Variants in FAM78B observed in about 807,000 individuals in gnomAD.
FAM78B encodes family with sequence similarity 78 member B.
In FAM78B, 10 loss-of-function variants were observed where a neutral mutation model predicts 20.0. That is an observed-to-expected ratio of 0.50 (90% CI 0.31 to 0.85). FAM78B has a LOEUF of 0.85. Ranked by LOEUF, FAM78B falls within the 40% of genes least tolerant of loss-of-function variation. The probability of loss-of-function intolerance (pLI) is 0.05; values close to 1 mark genes in which losing one functional copy is unlikely to be tolerated. For synonymous variants in FAM78B, 135 were observed against 132.8 expected, an observed-to-expected ratio of 1.02 and a Z score of -0.12; for missense variants, 283 against 345.0, an observed-to-expected ratio of 0.82 and a Z score of 1.42.
intron 1 of FAM78B, among the ~76,000 whole-genome samples, chr1:166,139,392 A>G (rs1655193898): frequency 6.6e-6 from 1 of 152,214 alleles, no homozygotes; most frequent in African/African-American, 2.4e-5. Context: ...AGAGTACTGT[A>G]TGTGCTATGA....
intron 1 of FAM78B, among the ~76,000 whole-genome samples, chr1:166,142,790 T>G (rs1274337064): frequency 6.6e-6 from 1 of 152,228 alleles, no homozygotes; most frequent in Non-Finnish European, 1.5e-5. Context: ...GGGCTAGTCT[T>G]AAATCTACTG....
At chr1:166,072,607 G>A (rs1652093650) in intron 1 of FAM78B, among the ~76,000 whole-genome samples, 1 of 152,192 alleles carries the variant, frequency 6.6e-6, no homozygotes, top group Non-Finnish European at 1.5e-5. Flanking sequence ...CCATACTGGA[G>A]TCGGTTTCAT....
At chr1:166,136,603 A>AC (rs769376179) in intron 1 of FAM78B, among the ~76,000 whole-genome samples, 21 of 152,302 alleles carry the variant, frequency 1.4e-4, no homozygotes, top group African/African-American at 4.8e-4. Flanking sequence ...AAATAAAGGC[A>AC]CCAAAGAGCA....
chr1:166,083,799 CTT>C (rs33994343), intron 1 of FAM78B, among the ~76,000 whole-genome samples: 46,656 of 91,468 alleles, frequency 0.51, 11,281 homozygotes, highest in Non-Finnish European at 0.59. Context: ...ACGCACCCAG[CTT>C]TTTTTTTTTT....
At position 166,166,618 on chromosome 1, in the gene FAM78B, AGAG is replaced by A. The variant is rs1490242642; in HGVS notation, c.-373_-371del. The A allele has an allele frequency of 6.7e-6, 1 of 150,130 alleles. No homozygotes were observed. Among genetic ancestry groups the A allele is most frequent in the African/African-American group, 2.4e-5 (1 of 41,006 alleles). The allele number at this position is 150,130 out of a possible 1,614,324, so 9.3% of individuals were successfully genotyped here. ...GCCGGAGCCCCCCGCCCCTCGCCGG[AGAG>A]GAGGAGGCGGCAGCGGCGGCGGCAT... On this transcript the variant is annotated 5_prime_UTR_variant, in exon 1 of 2. Transcript: ENST00000354422.
chr1:166,121,332 G>A (rs577771472), intron 1 of FAM78B, among the ~76,000 whole-genome samples: 4 of 152,168 alleles, frequency 2.6e-5, no homozygotes, highest in East Asian at 1.9e-4. Flanking sequence ...CCCTCACCTC[G>A]GTCACTCTTG....
intron 1 of FAM78B, among the ~76,000 whole-genome samples, chr1:166,118,124 C>T (rs1654326972): frequency 2.0e-5 from 3 of 152,174 alleles, no homozygotes. Flanking sequence ...ATAACTAGGA[C>T]CACTGGGAGA....
At chr1:166,067,536 A>G (rs1287428844), downstream of FAM78B, among the ~76,000 whole-genome samples, 7 of 152,188 alleles carry the variant, frequency 4.6e-5, no homozygotes, top group Non-Finnish European at 8.8e-5. Flanking sequence ...ATGGGAGGGC[A>G]GAGGTGACCT....
At chr1:166,068,530 C>A (rs1400427476), downstream of FAM78B, among the ~76,000 whole-genome samples, 3 of 152,162 alleles carry the variant, frequency 2.0e-5, no homozygotes. Context: ...TAAGTACCAT[C>A]CCCTGGGACT....
chr1:166,109,862 G>GTA lies in FAM78B; in HGVS notation c.264-39101_264-39100dup, dbSNP rs1491187344. Among the ~76,000 whole-genome samples, 11 of 16,276 alleles carry GTA rather than the reference G, an allele frequency of 6.8e-4. 3 individuals are homozygous for GTA. Among genetic ancestry groups the GTA allele is most frequent in the East Asian group, 2.0e-3 (1 of 488 alleles). 10.7% of individuals were successfully genotyped at this position (16,276 alleles called of 152,430 possible). A position where few individuals can be genotyped will look rare whatever the true frequency, so the allele number is the denominator to read the frequency against. ...TATGTATATATATATATATATATAT[G>GTA]TATGTGTATATATATATATGTATAT... On this transcript the variant is annotated intron_variant, in intron 1 of 1. Coordinates refer to ENST00000354422, the MANE Select transcript of FAM78B (RefSeq NM_001017961.5).
chr1:166,163,784 T>C (rs1656249701), intron 1 of FAM78B, among the ~76,000 whole-genome samples: 1 of 152,226 alleles, frequency 6.6e-6, no homozygotes, highest in Admixed American at 6.5e-5. Context: ...ATTGCAACCA[T>C]GAAGAAACAG....
chr1:166,163,928 C>T (rs746967463), intron 1 of FAM78B, among the ~76,000 whole-genome samples: 15 of 152,172 alleles, frequency 9.9e-5, no homozygotes, highest in Non-Finnish European at 1.6e-4. Context: ...AAACCACTTT[C>T]CAAATCCCAA....
chr1:166,077,835 ATTT>A (rs1652353770), intron 1 of FAM78B, among the ~76,000 whole-genome samples: 1 of 117,986 alleles, frequency 8.5e-6, no homozygotes, highest in South Asian at 2.6e-4. Context: ...AATATATATA[ATTT>A]ATATATATAA....
In FAM78B at chr1:166,070,374, T is replaced by C. The variant is rs201938645; in HGVS notation, c.653A>G (p.Glu218Gly). 1.2e-6 allele frequency: 2 copies of C among 1,613,952 alleles called. No individual in the cohort carries two copies. Among genetic ancestry groups the C allele is most frequent in the East Asian group, 2.2e-5 (1 of 44,870 alleles). Residue 218 changes from glutamate (E) to glycine (G), a missense_variant, in exon 2 of 2, where the codon GAG becomes GGG. Transcript: ENST00000354422. ...CATCCGGCTCAGGATCCGGGGCTGC[T>C]CCTGCTGAGTCCTGCCCACCAGCCG... ...RARLVGRTQQ[E>G]QPRILSRMEP... is the part of the protein sequence containing the mutation.
intron 1 of FAM78B, among the ~76,000 whole-genome samples, chr1:166,097,420 A>G (rs1571158731): frequency 6.6e-6 from 1 of 152,210 alleles, no homozygotes; most frequent in African/African-American, 2.4e-5. Flanking sequence ...CGGAAGAACC[A>G]AGCCCCTTTT....
chr1:166,066,260 A>G (rs187761520), downstream of FAM78B, among the ~76,000 whole-genome samples: 1 of 152,370 alleles, frequency 6.6e-6, no homozygotes, highest in African/African-American at 2.4e-5. Flanking sequence ...GCTGAGTGAC[A>G]GCTAGCTCAC....
At chr1:166,062,707 T>G (rs1386420352) in intron 2 of FAM78B, among the ~76,000 whole-genome samples, 1 of 152,254 alleles carries the variant, frequency 6.6e-6, no homozygotes, top group East Asian at 1.9e-4. Context: ...TTCCATAGTT[T>G]CTGGTACGTG....
At chr1:166,141,011 CT>C (rs1655256325) in intron 1 of FAM78B, among the ~76,000 whole-genome samples, 1 of 152,244 alleles carries the variant, frequency 6.6e-6, no homozygotes, top group Non-Finnish European at 1.5e-5. Flanking sequence ...CAAAGCCAGG[CT>C]GCTGCACTGC....
At chr1:166,132,292 C>T (rs1054606352) in intron 1 of FAM78B, among the ~76,000 whole-genome samples, 1 of 144,742 alleles carries the variant, frequency 6.9e-6, no homozygotes, top group Non-Finnish European at 1.6e-5. Context: ...AATCTCCCCT[C>T]TCCCCTAACC....
Sources: gnomAD v4.1 joint callset for allele counts (sites outside exome capture counted in the v4.1 genomes callset) on GRCh38, gnomAD v4.1.1 for gene constraint, MANE v1.5 for transcripts, NCBI Gene and HGNC (gene_info 2026-07-23, HGNC 2026-07-21) for gene names.